ABCA13: variants seen among roughly 807,000 people sequenced by gnomAD.
The protein encoded by ABCA13 is ATP-binding cassette sub-family A member 13.
ABCA13 carries 476 observed loss-of-function variants against 478.7 expected under a neutral mutation model. The ratio of observed to expected loss-of-function variants is 0.99; its 90% CI spans 0.92 to 1.07. ABCA13 has a LOEUF of 1.07. Among genes scored for constraint, ABCA13 ranks in the 50% least tolerant of loss-of-function variants. ABCA13 has a pLI of 0.00. For synonymous variants in ABCA13, 2,252 were observed against 2,158.9 expected, an observed-to-expected ratio of 1.04 and a Z score of -1.20; for missense variants, 6,060 against 5,910.6, an observed-to-expected ratio of 1.03 and a Z score of -0.83.
rs374062476 is a variant in ABCA13 at position 48,466,984 on chromosome 7, C to T, written c.12844C>T (p.Arg4282Cys). ...TGGGGGCGACAACTTGGACCTCACC[C>T]GTGTGCTTCTGCGGAAGTTTAGAGA... ...SSGGDNLDLTRVLLRKFRDQD... is the reference protein window; with the variant it reads ...SSGGDNLDLTCVLLRKFRDQD... Residue 4282 changes from arginine to cysteine, a missense_variant, in exon 44 of 62, where the codon CGT (arginine) becomes TGT (cysteine). Arg to Cys is a radical substitution (Grantham distance 180). This residue lies in a region of ABCA13 where 1,627 missense variants were observed against 1,571.0 expected (regional missense o/e 1.04). Coordinates refer to ENST00000435803, the MANE Select transcript of ABCA13 (RefSeq NM_152701.5). 32 of 1,613,800 alleles carry T rather than the reference C, an allele frequency of 2.0e-5. 1 individual carries two copies. Among genetic ancestry groups the T allele is most frequent in the South Asian group, 9.9e-5 (9 of 91,084 alleles).
intron 42 of ABCA13, among the ~76,000 whole-genome samples, chr7:48,441,682 A>T (rs978114697): frequency 1.3e-5 from 2 of 152,108 alleles, no homozygotes. Flanking sequence ...CCTGAAGTGG[A>T]TCGGACACTA....
chr7:48,257,880 G>T lies in ABCA13; in HGVS notation c.2005+8529G>T, dbSNP rs573989316. On this transcript the variant is annotated intron_variant, in intron 15 of 61. Transcript: ENST00000435803. ...TTTTGGATTAGTTTCAGTAGGGATG[G>T]TATCAGTTCTTCTTTATACATTTGG... 3.9e-5 allele frequency among the ~76,000 whole-genome samples: 6 copies of T among 152,222 alleles called. No homozygotes were observed. In the South Asian group the frequency reaches 1.2e-3, roughly 32 times the overall value.
intron 47 of ABCA13, among the ~76,000 whole-genome samples, chr7:48,486,624 A>G (rs1000350149): frequency 6.6e-6 from 1 of 152,176 alleles, no homozygotes; most frequent in African/African-American, 2.4e-5. Context: ...GTAAATCACT[A>G]TATTGGTACT....
At chr7:48,625,295 A>T (rs1165908650) in intron 59 of ABCA13, among the ~76,000 whole-genome samples, 1 of 152,224 alleles carries the variant, frequency 6.6e-6, no homozygotes, top group Non-Finnish European at 1.5e-5. Context: ...AATGAAGTGG[A>T]TCATTTAAAA....
At chr7:48,630,621 A>G (rs1416435672) in intron 59 of ABCA13, among the ~76,000 whole-genome samples, 1 of 152,178 alleles carries the variant, frequency 6.6e-6, no homozygotes, top group African/African-American at 2.4e-5. Flanking sequence ...AAACATATAC[A>G]TGCATGTGTC....
At chr7:48,457,095 A>C (rs1242903407) in intron 43 of ABCA13, among the ~76,000 whole-genome samples, 1 of 151,070 alleles carries the variant, frequency 6.6e-6, no homozygotes, top group Admixed American at 6.6e-5. Context: ...ACAAACCAAA[A>C]CCCCTAGTTT....
intron 35 of ABCA13, among the ~76,000 whole-genome samples, chr7:48,382,343 G>A (rs1323350265): frequency 6.6e-6 from 1 of 152,166 alleles, no homozygotes; most frequent in Non-Finnish European, 1.5e-5. Context: ...ACTCCAAAAT[G>A]TCTAGAGAAT....
Position 48,481,063 on chromosome 7 carries a change from C to G in ABCA13, c.13003C>G (p.Pro4335Ala), listed in dbSNP as rs17132370. The G allele has an allele frequency of 2.3e-3, 3,739 of 1,600,668 alleles. 73 individuals carry two copies. In the African/African-American group the frequency reaches 0.044, roughly 19 times the overall value. ...GTGTCCAAATAGAAGTGCTAGTGCT[C>G]CCTACCTGACCAACCACCTGGGCCA... ...LKCPNRSASAPYLTNHLGHTL... is the reference protein window; with the variant it reads ...LKCPNRSASAAYLTNHLGHTL... The change falls in exon 46 of 62, where the codon CCC becomes GCC. Residue 4335 changes from proline to alanine, a missense_variant. Transcript: ENST00000435803.
At chr7:48,432,841 G>T (rs564456454) in intron 42 of ABCA13, among the ~76,000 whole-genome samples, 1 of 152,050 alleles carries the variant, frequency 6.6e-6, no homozygotes, top group East Asian at 1.9e-4. Context: ...AGGAGATGTT[G>T]GTAAATGGAT....
At chr7:48,366,336 G>A (rs759890703) in intron 31 of ABCA13, among the ~76,000 whole-genome samples, 2 of 151,308 alleles carry the variant, frequency 1.3e-5, no homozygotes, top group Admixed American at 6.6e-5. Context: ...TTTTTTTCCC[G>A]CTGTCAGCTC....
chr7:48,502,150 T>C (rs762794517), intron 48 of ABCA13, among the ~76,000 whole-genome samples: 1 of 152,218 alleles, frequency 6.6e-6, no homozygotes, highest in Non-Finnish European at 1.5e-5. Flanking sequence ...AAATGTATTA[T>C]GAAAACTTCC....
intron 3 of ABCA13, among the ~76,000 whole-genome samples, chr7:48,217,962 A>G (rs1786743993): frequency 6.6e-6 from 1 of 152,150 alleles, no homozygotes; most frequent in Non-Finnish European, 1.5e-5. Flanking sequence ...CCCAAATCCT[A>G]TTATAGCTCT....
In ABCA13 at chr7:48,451,725, T is replaced by C. The variant is rs952978192; in HGVS notation, c.12566-3312T>C. 1.4e-4 allele frequency among the ~76,000 whole-genome samples: 21 copies of C among 152,224 alleles called. 1 individual carries two copies. Among genetic ancestry groups the C allele is most frequent in the Admixed American group, 1.3e-3 (20 of 15,284 alleles). On this transcript the variant is annotated intron_variant, in intron 42 of 61. Transcript: ENST00000435803. ...AAGAACACTTGGATGAACTGGGTAG[T>C]GTGGAGATCATATTCTTGGATGCTT... is the stretch of plus-strand genomic sequence containing the variant.
chr7:48,455,313 C>G (rs780717097), intron 43 of ABCA13, 27 bp downstream of exon 43: 1 of 1,576,350 alleles, frequency 6.3e-7, no homozygotes, highest in Non-Finnish European at 8.6e-7. Flanking sequence ...CCTTTGATTT[C>G]GAAATTATGT....
At chr7:48,289,847 A>G (rs1183735239) in intron 20 of ABCA13, among the ~76,000 whole-genome samples, 2 of 152,208 alleles carry the variant, frequency 1.3e-5, no homozygotes, top group African/African-American at 4.8e-5. Context: ...CTTTAATGAC[A>G]AAAATAGTAT....
At chr7:48,480,249 G>T (rs1316993921) in intron 45 of ABCA13, among the ~76,000 whole-genome samples, 1 of 152,122 alleles carries the variant, frequency 6.6e-6, no homozygotes, top group Non-Finnish European at 1.5e-5. Flanking sequence ...TGAGGAGATG[G>T]ATTTGAGACT....
intron 55 of ABCA13, among the ~76,000 whole-genome samples, chr7:48,575,050 C>T (rs1228189968): frequency 3.0e-5 from 4 of 135,592 alleles, no homozygotes; most frequent in African/African-American, 5.3e-5. Flanking sequence ...ACTTGAGTTT[C>T]CAGTAGACAT....
At chr7:48,360,157 A>G (rs973217186) in intron 31 of ABCA13, among the ~76,000 whole-genome samples, 3 of 151,630 alleles carry the variant, frequency 2.0e-5, no homozygotes, top group Non-Finnish European at 4.4e-5. Context: ...CGTCATTTAC[A>G]TTAGGTATAT....
chr7:48,458,855 T>C lies in ABCA13; in HGVS notation c.12815+3569T>C, dbSNP rs549338707. ...CATGCTTTGGTGGCCAGGTAGGGAG[T>C]GAACGCATGACATCCACAGGGCTGT... On this transcript the variant is annotated intron_variant, in intron 43 of 61. Coordinates refer to ENST00000435803, the MANE Select transcript of ABCA13 (RefSeq NM_152701.5). Among the ~76,000 whole-genome samples, 12 of 151,984 alleles carry C rather than the reference T, an allele frequency of 7.9e-5. No homozygotes were observed. The South Asian group carries it at 2.1e-3, about 26-fold the overall frequency.
Sources: gnomAD v4.1 joint callset for allele counts (sites outside exome capture counted in the v4.1 genomes callset) on GRCh38, gnomAD v4.1.1 for gene constraint, gnomAD v4.1.1 regional missense constraint, MANE v1.5 for transcripts, NCBI Gene and HGNC (gene_info 2026-07-23, HGNC 2026-07-21) for gene names.